NTRK3: variants seen among roughly 807,000 people sequenced by gnomAD.
NTRK3 encodes NT-3 growth factor receptor.
A neutral mutation model predicts 91.7 loss-of-function variants in NTRK3; 24 were observed. That is an observed-to-expected ratio of 0.26 (90% CI 0.19 to 0.37). The LOEUF is 0.37. NTRK3 is among the 10% of genes least tolerant of loss of function. The probability of loss-of-function intolerance (pLI) is 1.00; values close to 1 mark genes in which losing one functional copy is unlikely to be tolerated. For synonymous variants in NTRK3, 483 were observed against 404.0 expected (o/e 1.20, Z -2.34); for missense variants, 880 against 1,068.9 (o/e 0.82, Z 2.46).
At chr15:88,207,445 C>T (rs1166824382) in intron 3 of NTRK3, among the ~76,000 whole-genome samples, 2 of 152,228 alleles carry the variant, frequency 1.3e-5, no homozygotes, top group Non-Finnish European at 2.9e-5. Context: ...CCTCCAAAAG[C>T]TTCTGTTAAA....
intron 3 of NTRK3, among the ~76,000 whole-genome samples, chr15:88,227,648 ACTT>A (rs1486795107): frequency 1.3e-5 from 2 of 152,200 alleles, no homozygotes; most frequent in African/African-American, 2.4e-5. Flanking sequence ...TGAGGAATCC[ACTT>A]CTTCTGTTTA....
intron 13 of NTRK3, among the ~76,000 whole-genome samples, chr15:88,090,904 C>T (rs1046287737): frequency 9.2e-5 from 14 of 152,192 alleles, no homozygotes; most frequent in African/African-American, 2.4e-4. Flanking sequence ...CTCTTGCCTG[C>T]GCCTCTGGGA....
exon 19 of NTRK3, chr15:87,876,457 C>T (rs2141431338): frequency 4.4e-6 from 1 of 228,290 alleles, no homozygotes; most frequent in East Asian, 6.3e-5. Context: ...AGCGACTGAG[C>T]ACCACCTTAA....
intron 13 of NTRK3, among the ~76,000 whole-genome samples, chr15:88,113,841 C>G (rs1490845938): frequency 6.6e-6 from 1 of 151,830 alleles, no homozygotes; most frequent in Non-Finnish European, 1.5e-5. Context: ...ACTCTCTGCT[C>G]TTTTATGAAA....
chr15:87,992,458 T>C (rs1466395325), intron 14 of NTRK3, among the ~76,000 whole-genome samples: 1 of 152,248 alleles, frequency 6.6e-6, no homozygotes, highest in African/African-American at 2.4e-5. Flanking sequence ...ATTGTTCATT[T>C]CTGTTTGATA....
At chr15:87,932,954 A>C in intron 16 of NTRK3, 58 bp downstream of exon 16, 2 of 1,591,278 alleles carry the variant, frequency 1.3e-6, no homozygotes. Flanking sequence ...CTCCAGGGAA[A>C]ACCCCAAGGG....
At chr15:87,905,035 A>G (rs1455218365) in intron 17 of NTRK3, among the ~76,000 whole-genome samples, 5 of 152,228 alleles carry the variant, frequency 3.3e-5, no homozygotes, top group Non-Finnish European at 5.9e-5. Context: ...GTAAAGAACC[A>G]AAACTTGATG....
Position 88,233,017 on chromosome 15 carries a change from T to G in NTRK3, c.248+22889A>C, listed in dbSNP as rs1025558764. On this transcript the variant is annotated intron_variant, in intron 3 of 18. Coordinates refer to ENST00000394480, the Ensembl canonical transcript of NTRK3. This position sits in a 1 kb window ranked among gnomAD's most constrained non-coding sequence, Gnocchi z 4.2. ...CTCCCCCCAGCCCAGAGCGAAAGTT[T>G]GACTAAAGCTCAGTGTCTTCGCTTT... Among the ~76,000 whole-genome samples the G allele has an allele frequency of 3.9e-5, 6 of 152,116 alleles. No individual in the cohort carries two copies. Among genetic ancestry groups the G allele is most frequent in the Admixed American group, 3.9e-4 (6 of 15,282 alleles).
At chr15:88,129,988 C>T (rs1359866116) in intron 10 of NTRK3, among the ~76,000 whole-genome samples, 1 of 152,166 alleles carries the variant, frequency 6.6e-6, no homozygotes, top group Non-Finnish European at 1.5e-5. Context: ...CACACACGCA[C>T]AGAGGGAAAA....
chr15:88,135,825 C>T (rs763573738), intron 9 of NTRK3, 74 bp downstream of exon 9: 2 of 1,581,318 alleles, frequency 1.3e-6, no homozygotes, highest in Non-Finnish European at 1.7e-6. Context: ...CCTGACAACA[C>T]CTTGGCCCCT....
chr15:87,984,023 G>T (rs772805877), intron 14 of NTRK3, among the ~76,000 whole-genome samples: 1 of 152,126 alleles, frequency 6.6e-6, no homozygotes, highest in Admixed American at 6.6e-5. Flanking sequence ...CCCAAACTCT[G>T]TCTGGTCACG....
intron 14 of NTRK3, among the ~76,000 whole-genome samples, chr15:87,970,673 T>C (rs192164353): frequency 1.4e-4 from 22 of 152,354 alleles, no homozygotes; most frequent in African/African-American, 4.6e-4. Context: ...CTCTAAGAGC[T>C]GGCCATATTG....
intron 5 of NTRK3, among the ~76,000 whole-genome samples, chr15:88,173,861 C>T (rs1048006571): frequency 6.6e-6 from 1 of 152,262 alleles, no homozygotes; most frequent in Non-Finnish European, 1.5e-5. Flanking sequence ...GGCTCTGCCA[C>T]TTAGCAGTTA....
intron 13 of NTRK3, among the ~76,000 whole-genome samples, chr15:88,113,513 G>A (rs1022220226): frequency 1.3e-5 from 2 of 151,832 alleles, no homozygotes; most frequent in East Asian, 1.9e-4. Flanking sequence ...ATGGAGTTTC[G>A]CCATGTTGGC....
chr15:88,013,975 C>T (rs1185189582), intron 14 of NTRK3, among the ~76,000 whole-genome samples: 1 of 152,206 alleles, frequency 6.6e-6, no homozygotes, highest in Non-Finnish European at 1.5e-5. Context: ...AAGATAGTAA[C>T]ACTGTATCTC....
rs1419155205 is a variant in NTRK3, at chr15:87,933,228, G to A, written c.1717-44C>T. ...ACAGGTGTTTAACAACTACAGGGCA[G>A]GGGGCTGTCTTTTCTACTCCTGGAA... On this transcript the variant is annotated intron_variant, in intron 15 of 18. Transcript: ENST00000394480. 6 of 1,599,004 alleles carry A rather than the reference G, an allele frequency of 3.8e-6. No homozygotes were observed. In the African/African-American group the frequency reaches 5.4e-5, roughly 14 times the overall value.
intron 5 of NTRK3, among the ~76,000 whole-genome samples, chr15:88,168,410 G>C (rs2045193903): frequency 6.6e-6 from 1 of 152,184 alleles, no homozygotes; most frequent in African/African-American, 2.4e-5. Flanking sequence ...AAAGCTGCTG[G>C]GGATCAGGGC....
chr15:88,079,653 G>C (rs1014660093), intron 13 of NTRK3, among the ~76,000 whole-genome samples: 4 of 152,102 alleles, frequency 2.6e-5, no homozygotes, highest in African/African-American at 9.7e-5. Context: ...GGATTTAGTG[G>C]ACATGCCATT....
At chr15:88,118,158 T>C (rs1370540770) in intron 13 of NTRK3, among the ~76,000 whole-genome samples, 1 of 152,200 alleles carries the variant, frequency 6.6e-6, no homozygotes, top group East Asian at 1.9e-4. Flanking sequence ...GATCTCTCTG[T>C]TTTGCTGTCT....
Sources: gnomAD v4.1 joint callset for allele counts (sites outside exome capture counted in the v4.1 genomes callset) on GRCh38, gnomAD v4.1.1 for gene constraint, Gnocchi (gnomAD v3.1) non-coding constraint, MANE v1.5 for transcripts, NCBI Gene and HGNC (gene_info 2026-07-23, HGNC 2026-07-21) for gene names.